LY6S: variants seen among roughly 807,000 people sequenced by gnomAD.
LY6S encodes lymphocyte antigen 6 family member S, also known as lymphocyte antigen 6S.
the LY6S span, among the ~76,000 whole-genome samples, chr8:143,056,051 C>A: frequency 6.6e-6 from 1 of 151,550 alleles, no homozygotes; most frequent in East Asian, 1.9e-4. Context: ...GCCAAGGGAG[C>A]ATTTCCCAGG....
At chr8:143,052,253 C>T in the LY6S span, among the ~76,000 whole-genome samples, 6 of 152,166 alleles carry the variant, frequency 3.9e-5, no homozygotes, top group East Asian at 9.6e-4. Flanking sequence ...TGCACTCCAG[C>T]CTGGGGGACA....
At chr8:143,053,702 C>T in the LY6S span, 1 of 152,176 alleles carries the variant, frequency 6.6e-6, no homozygotes, top group East Asian at 1.9e-4. Context: ...GAGTATTTCC[C>T]CTTCTGCCTT....
chr8:143,069,128 A>G, the LY6S span, among the ~76,000 whole-genome samples: 1 of 152,126 alleles, frequency 6.6e-6, no homozygotes, highest in Non-Finnish European at 1.5e-5. Flanking sequence ...TCTGGGCTCA[A>G]GGCTCTCTCT....
the LY6S span, among the ~76,000 whole-genome samples, chr8:143,075,113 T>C: frequency 1.3e-5 from 2 of 152,258 alleles, no homozygotes; most frequent in East Asian, 3.8e-4. The surrounding 1 kb of genome is among the most constrained non-coding windows in gnomAD (Gnocchi z 4.1). Context: ...ATTTTTTTCA[T>C]TTACATTATT....
chr8:143,049,030 G>C, the LY6S span, among the ~76,000 whole-genome samples: 1 of 152,084 alleles, frequency 6.6e-6, no homozygotes, highest in Non-Finnish European at 1.5e-5. Context: ...CACCTCAGTC[G>C]GGCCTGGAGA....
At chr8:143,060,585 T>C in the LY6S span, among the ~76,000 whole-genome samples, 806 of 152,360 alleles carry the variant, frequency 5.3e-3, 5 homozygotes, top group African/African-American at 0.018. Flanking sequence ...TACCTATCAT[T>C]GGAGATGACT....
At chr8:143,073,058 T>C in the LY6S span, among the ~76,000 whole-genome samples, 1,369 of 69,554 alleles carry the variant, frequency 0.02, 4 homozygotes, top group African/African-American at 0.065. Flanking sequence ...GCCGTCGTCC[T>C]CGGGGTCCCT....
chr8:143,073,118 C>T, the LY6S span, among the ~76,000 whole-genome samples: 13 of 148,554 alleles, frequency 8.8e-5, no homozygotes, highest in African/African-American at 3.1e-4. Flanking sequence ...AGGAGACAGC[C>T]GTCGTCCTCG....
the LY6S span, among the ~76,000 whole-genome samples, chr8:143,043,610 G>A: frequency 2.0e-5 from 3 of 152,216 alleles, no homozygotes; most frequent in Non-Finnish European, 4.4e-5. Context: ...GGAGCTGGGT[G>A]GGCTGTGGAG....
the LY6S span, among the ~76,000 whole-genome samples, chr8:143,072,437 C>T: frequency 1.6e-5 from 2 of 126,694 alleles, no homozygotes; most frequent in Admixed American, 7.7e-5. Flanking sequence ...GAGGAGACAG[C>T]CGTCGTCCTC....
At chr8:143,057,839 C>A in the LY6S span, 4 of 741,012 alleles carry the variant, frequency 5.4e-6, no homozygotes, top group African/African-American at 5.1e-5. Context: ...TCGGCTCCTG[C>A]AGCTGGCCTG....
the LY6S span, among the ~76,000 whole-genome samples, chr8:143,064,751 G>A: frequency 6.6e-6 from 1 of 152,208 alleles, no homozygotes; most frequent in African/African-American, 2.4e-5. Context: ...TAGTATACAG[G>A]TTAGCTACAG....
At chr8:143,041,480 T>A in the LY6S span, among the ~76,000 whole-genome samples, 1 of 152,186 alleles carries the variant, frequency 6.6e-6, no homozygotes, top group Non-Finnish European at 1.5e-5. Context: ...GTACCCAGAT[T>A]TCATATTGTT....
the LY6S span, among the ~76,000 whole-genome samples, chr8:143,043,588 AC>A: frequency 6.6e-6 from 1 of 151,234 alleles, no homozygotes; most frequent in Non-Finnish European, 1.5e-5. Flanking sequence ...CGGCCTTGGG[AC>A]CCCCGAAGCG....
the LY6S span, among the ~76,000 whole-genome samples, chr8:143,063,441 G>A: frequency 4.6e-5 from 7 of 152,210 alleles, no homozygotes; most frequent in Non-Finnish European, 8.8e-5. Flanking sequence ...TGGGACAACT[G>A]CAGGGCTCTC....
chr8:143,057,568 C>T, the LY6S span: 15 of 1,257,394 alleles, frequency 1.2e-5, no homozygotes, highest in African/African-American at 1.5e-5. Flanking sequence ...TCTTGATAAC[C>T]GTCTCTGGTT....
the LY6S span, among the ~76,000 whole-genome samples, chr8:143,053,017 C>T: frequency 6.6e-6 from 1 of 152,178 alleles, no homozygotes; most frequent in Non-Finnish European, 1.5e-5. Flanking sequence ...CTGCCCTCGC[C>T]TGGCAAGTGA....
chr8:143,049,157 T>C, the LY6S span: 2 of 534,716 alleles, frequency 3.7e-6, no homozygotes, highest in South Asian at 2.8e-5. Flanking sequence ...CCAGCTTGGC[T>C]CGGGGACACC....
At chr8:143,070,485 A>ATTTTTTTTTTTTTTTTT in the LY6S span, among the ~76,000 whole-genome samples, 2 of 84,878 alleles carry the variant, frequency 2.4e-5, no homozygotes, top group Admixed American at 1.3e-4. Context: ...AAATATATAT[A>ATTTTTTTTTTTTTTTTT]TATATTTTTT....
Sources: allele counts gnomAD v4.1 joint callset (sites outside exome capture counted in the v4.1 genomes callset), GRCh38; gene constraint gnomAD v4.1.1; non-coding constraint Gnocchi (gnomAD v3.1); transcripts MANE v1.5; gene names NCBI Gene and HGNC (gene_info 2026-07-23, HGNC 2026-07-21).